Variants in MGST1 observed in about 807,000 individuals in gnomAD.
MGST1 encodes glutathione S-transferase 12.
Under a neutral mutation model 8.9 loss-of-function variants are expected in MGST1, and 5 were observed. The observed-to-expected ratio is 0.56, with a 90% CI of 0.29 to 1.19. The LOEUF (loss-of-function observed/expected upper bound fraction) is 1.19, where lower values mean the gene tolerates loss of function less well. Among genes scored for constraint, MGST1 ranks in the 50% most tolerant of loss-of-function variants. The probability of loss-of-function intolerance (pLI) is 0.08; values close to 1 mark genes in which losing one functional copy is unlikely to be tolerated. For synonymous variants in MGST1, 54 were observed against 67.8 expected (o/e 0.80, Z 1.00); for missense variants, 182 against 187.4 (o/e 0.97, Z 0.17).
In MGST1 at chr12:16,402,160, T is replaced by A. The variant is rs1940661173; in HGVS notation, n.778+18556T>A. 2.6e-6 allele frequency: 4 copies of A among 1,555,840 alleles called. No individual in the cohort carries two copies. The Admixed American group carries it at 6.7e-5, about 26-fold the overall frequency. ...TTCTCATTGCCCTTAGTGTTGGCAA[T>A]TTGTTTCAAAAACTCCACTTTTTTT... On this transcript the variant is annotated intron_variant and non_coding_transcript_variant, in intron 1 of 1. Coordinates refer to the MGST1 transcript ENST00000359720.
exon 4 of MGST1, chr12:16,376,402 C>T (rs1010511000): frequency 3.2e-6 from 1 of 317,136 alleles, no homozygotes; most frequent in Admixed American, 5.0e-5. Context: ...ACAAAAATCT[C>T]CACGAATCTC....
intron 4 of MGST1, among the ~76,000 whole-genome samples, chr12:16,515,975 T>C (rs887529527): frequency 5.3e-5 from 8 of 152,330 alleles, no homozygotes; most frequent in African/African-American, 1.2e-4. Flanking sequence ...TGTAGACTTA[T>C]TGCAGCCTAG....
At chr12:16,349,731 G>A (rs1389752560) in intron 1 of MGST1, among the ~76,000 whole-genome samples, 1 of 150,172 alleles carries the variant, frequency 6.7e-6, no homozygotes, top group Non-Finnish European at 1.5e-5. Context: ...CATTTAACAG[G>A]TCCCAGAGCT....
intron 1 of MGST1, among the ~76,000 whole-genome samples, chr12:16,403,062 T>C (rs1591718429): frequency 6.6e-6 from 1 of 152,080 alleles, no homozygotes; most frequent in South Asian, 2.1e-4. Flanking sequence ...GATATAATCA[T>C]TTTTATCCTT....
intron 3 of MGST1, among the ~76,000 whole-genome samples, chr12:16,359,062 C>G (rs1939869566): frequency 6.6e-6 from 1 of 151,944 alleles, no homozygotes; most frequent in Admixed American, 6.5e-5. Context: ...CATCAGTTCC[C>G]TTCAAAAATG....
In MGST1 at chr12:16,437,230, A is replaced by C. The variant is rs937731549; in HGVS notation, n.779-158A>C. On this transcript the variant is annotated intron_variant and non_coding_transcript_variant, in intron 1 of 1. Transcript: ENST00000359720. ...CTAAAGGAGGGTGACTCTAATCAACAAAAGGGTATGCTCTGGAGAAAATTT... is the reference window on the plus strand; with the variant it reads ...CTAAAGGAGGGTGACTCTAATCAACCAAAGGGTATGCTCTGGAGAAAATTT... Among the ~76,000 whole-genome samples, 3 of 151,984 alleles carry C rather than the reference A, an allele frequency of 2.0e-5. No homozygotes were observed. In the East Asian group the frequency reaches 5.8e-4, roughly 29 times the overall value.
intron 1 of MGST1, chr12:16,437,355 A>G (rs1343059552): frequency 1.3e-5 from 2 of 151,950 alleles, no homozygotes; most frequent in Non-Finnish European, 2.9e-5. Context: ...CCTGACTGAC[A>G]AGCTGAAGCT....
intron 1 of MGST1, among the ~76,000 whole-genome samples, chr12:16,432,679 GACACACACACACACACACACACAC>G (rs36054419): frequency 2.4e-5 from 3 of 124,300 alleles, no homozygotes; most frequent in African/African-American, 8.9e-5. Flanking sequence ...CTCTCTCTCT[GACACACACACACACACACACACAC>G]ACACACACAC....
downstream of MGST1, among the ~76,000 whole-genome samples, chr12:16,368,820 C>T (rs1446593373): frequency 6.6e-6 from 1 of 152,036 alleles, no homozygotes; most frequent in Non-Finnish European, 1.5e-5. Flanking sequence ...GAGCTGTGTG[C>T]AAGAGTAGAC....
At chr12:16,556,792 G>A (rs1345032744) in intron 4 of MGST1, among the ~76,000 whole-genome samples, 1 of 152,134 alleles carries the variant, frequency 6.6e-6, no homozygotes, top group Non-Finnish European at 1.5e-5. Context: ...CTTGACTGAT[G>A]AAGATTAGCT....
chr12:16,470,146 C>T lies in MGST1; in HGVS notation n.482+86542C>T, dbSNP rs530969330. Among the ~76,000 whole-genome samples, 29 of 152,196 alleles carry T rather than the reference C, an allele frequency of 1.9e-4. No homozygotes were observed. The East Asian group carries it at 5.6e-3, about 29-fold the overall frequency. On this transcript the variant is annotated intron_variant and non_coding_transcript_variant, in intron 4 of 4. Transcript: ENST00000538857. Reference sequence around the variant, plus strand: ...TTTCTCCACATTGGTAATTGCTATACTGTTGGTAGTACAAAAATAAATATT... The same window carrying T: ...TTTCTCCACATTGGTAATTGCTATATTGTTGGTAGTACAAAAATAAATATT...
intron 4 of MGST1, among the ~76,000 whole-genome samples, chr12:16,451,738 A>G (rs1286253740): frequency 6.6e-6 from 1 of 151,900 alleles, no homozygotes; most frequent in East Asian, 1.9e-4. Context: ...TGGTTATGTG[A>G]CAATGATTCA....
intron 1 of MGST1, among the ~76,000 whole-genome samples, chr12:16,430,409 G>A (rs1304063264): frequency 6.6e-6 from 1 of 152,172 alleles, no homozygotes; most frequent in Non-Finnish European, 1.5e-5. Flanking sequence ...AGATCCATCA[G>A]AGGAATCACT....
rs920709632 is a variant in MGST1 at position 16,560,475 on chromosome 12, C to T, written n.483-29053C>T. 1.2e-6 allele frequency: 2 copies of T among 1,613,960 alleles called. No individual in the cohort carries two copies. Among genetic ancestry groups the T allele is most frequent in the Non-Finnish European group, 1.7e-6 (2 of 1,179,900 alleles). On this transcript the variant is annotated intron_variant and non_coding_transcript_variant, in intron 4 of 4. Coordinates refer to the MGST1 transcript ENST00000538857. This position sits in a 1 kb window ranked among gnomAD's most constrained non-coding sequence, Gnocchi z 5.0. ...GGTAAACATTGTCCTTGGCACGCAT[C>T]ACCATCTCAAAGGCAGGGATGAGCT... is the stretch of plus-strand genomic sequence containing the variant.
At chr12:16,491,757 C>A (rs1941440418) in intron 4 of MGST1, among the ~76,000 whole-genome samples, 1 of 152,088 alleles carries the variant, frequency 6.6e-6, no homozygotes, top group Non-Finnish European at 1.5e-5. Context: ...ATGAATGTTT[C>A]TCTTTTTTTT....
chr12:16,512,005 T>C, intron 4 of MGST1, among the ~76,000 whole-genome samples: 1 of 152,224 alleles, frequency 6.6e-6, no homozygotes, highest in East Asian at 1.9e-4. Context: ...ATATTTTTAT[T>C]TAGAAACAAT....
chr12:16,459,539 G>T (rs1003278446), intron 4 of MGST1, among the ~76,000 whole-genome samples: 11 of 152,018 alleles, frequency 7.2e-5, no homozygotes, highest in Non-Finnish European at 1.3e-4. Flanking sequence ...TATTATTTAA[G>T]AATTAATTTA....
At chr12:16,415,345 C>T (rs1280183146) in intron 1 of MGST1, among the ~76,000 whole-genome samples, 1 of 151,804 alleles carries the variant, frequency 6.6e-6, no homozygotes, top group Non-Finnish European at 1.5e-5. Flanking sequence ...CTCTTATTTA[C>T]TCATCTGATT....
chr12:16,532,078 A>G (rs1400270527), intron 4 of MGST1, among the ~76,000 whole-genome samples: 1 of 152,196 alleles, frequency 6.6e-6, no homozygotes, highest in Non-Finnish European at 1.5e-5. Flanking sequence ...AGGAGGAAAC[A>G]GAAGTTCAAG....
Sources: allele counts gnomAD v4.1 joint callset (sites outside exome capture counted in the v4.1 genomes callset), GRCh38; gene constraint gnomAD v4.1.1; non-coding constraint Gnocchi (gnomAD v3.1); transcripts MANE v1.5; gene names NCBI Gene and HGNC (gene_info 2026-07-23, HGNC 2026-07-21).